The following ASPA variants were observed in gnomAD, a reference collection of about 807,000 sequenced individuals.
ASPA encodes the protein ACY-2.
Under a neutral mutation model 29.6 loss-of-function variants are expected in ASPA, and 25 were observed. That is an observed-to-expected ratio of 0.85 (90% CI 0.62 to 1.18). The LOEUF (loss-of-function observed/expected upper bound fraction) is 1.18. Among genes scored for constraint, ASPA ranks in the 50% most tolerant of loss-of-function variants. ASPA has a pLI of 0.00. For synonymous variants in ASPA, 131 were observed against 130.3 expected (o/e 1.01, Z -0.04); for missense variants, 333 against 385.7 (o/e 0.86, Z 1.14).
chr17:3,484,597 G>A (rs186434296), intron 3 of ASPA, among the ~76,000 whole-genome samples: 2 of 152,274 alleles, frequency 1.3e-5, no homozygotes, highest in African/African-American at 4.8e-5. Flanking sequence ...TGTGATGAAA[G>A]GCCATTGCTG....
At chr17:3,497,706 C>T (rs9941396) in intron 5 of ASPA, among the ~76,000 whole-genome samples, 6,655 of 152,112 alleles carry the variant, frequency 0.044, 350 homozygotes, top group East Asian at 0.28. Flanking sequence ...ATGTCGTGCA[C>T]GTGAACGTCA....
intron 3 of ASPA, among the ~76,000 whole-genome samples, chr17:3,484,743 T>TC (rs1349833444): frequency 6.6e-6 from 1 of 152,248 alleles, no homozygotes; most frequent in Non-Finnish European, 1.5e-5. Flanking sequence ...CTTTAATTTC[T>TC]GTACATATCT....
chr17:3,501,856 G>C lies in ASPA; in HGVS notation c.*2768G>C, dbSNP rs568934226. The C allele has an allele frequency of 3.9e-5, 6 of 152,384 alleles. No individual in the cohort carries two copies. Among genetic ancestry groups the C allele is most frequent in the African/African-American group, 1.4e-4 (6 of 41,504 alleles). 9.4% of individuals were successfully genotyped at this position (152,384 alleles called of 1,614,324 possible). A position where few individuals can be genotyped will look rare whatever the true frequency, so the allele number is the denominator to read the frequency against. The stretch of plus-strand genomic sequence containing the variant: ...TAGTCCCAGCTACTTGGGAGGCTGA[G>C]GCAGAAGGATCACTTGAACCCAGGA... On this transcript the variant is annotated 3_prime_UTR_variant, in exon 6 of 6. Transcript: ENST00000263080.
intron 1 of ASPA, among the ~76,000 whole-genome samples, chr17:3,479,226 C>T (rs564264160): frequency 2.6e-5 from 4 of 152,302 alleles, no homozygotes; most frequent in East Asian, 1.9e-4. Flanking sequence ...GGGAGCTCAA[C>T]TGCAGGCATG....
At chr17:3,491,272 T>C (rs1215475730) in intron 4 of ASPA, among the ~76,000 whole-genome samples, 1 of 152,236 alleles carries the variant, frequency 6.6e-6, no homozygotes, top group Non-Finnish European at 1.5e-5. Context: ...CAAAGTTTTG[T>C]TCTTATGTTT....
chr17:3,485,541 C>T lies in ASPA; in HGVS notation c.526+1949C>T, dbSNP rs1201846664. On this transcript the variant is annotated intron_variant, in intron 3 of 5. Transcript: ENST00000263080. The surrounding 1 kb of genome is among the most constrained non-coding windows in gnomAD (Gnocchi z 4.4). ...AAAAACAAACAAACAAAAATACTAG[C>T]CATCTAACACTGGAAATACATACAT... Among the ~76,000 whole-genome samples the T allele has an allele frequency of 6.6e-6, 1 of 152,134 alleles. No individual in the cohort carries two copies. Among genetic ancestry groups the T allele is most frequent in the Non-Finnish European group, 1.5e-5 (1 of 68,014 alleles).
At chr17:3,479,354 C>T (rs11652568) in intron 1 of ASPA, among the ~76,000 whole-genome samples, 3 of 152,116 alleles carry the variant, frequency 2.0e-5, no homozygotes, top group East Asian at 3.9e-4. Flanking sequence ...AATTGTCGGG[C>T]GCGACCTCAG....
rs1288662332 is a variant in ASPA at position 3,500,931 on chromosome 17, G to A, written c.*1843G>A. On this transcript the variant is annotated 3_prime_UTR_variant, in exon 6 of 6. Coordinates refer to ENST00000263080, the MANE Select transcript of ASPA (RefSeq NM_000049.4). ...GTTTACTGTATATTTTAAGCCCACT[G>A]TTGAGACCTACTGCTTGGGAAAAAA... 1 of 139,232 alleles carries A rather than the reference G, an allele frequency of 7.2e-6. No individual in the cohort carries two copies. Among genetic ancestry groups the A allele is most frequent in the Non-Finnish European group, 1.6e-5 (1 of 63,850 alleles). 8.6% of individuals were successfully genotyped at this position (139,232 alleles called of 1,614,324 possible).
Position 3,485,581 on chromosome 17 carries a change from G to A in ASPA, c.526+1989G>A, listed in dbSNP as rs114048645. Among the ~76,000 whole-genome samples the A allele has an allele frequency of 7.2e-5, 11 of 152,258 alleles. No homozygotes were observed. The highest frequency in any genetic ancestry group is 2.2e-4 in the African/African-American group (9 of 41,538). On this transcript the variant is annotated intron_variant, in intron 3 of 5. Coordinates refer to ENST00000263080, the MANE Select transcript of ASPA (RefSeq NM_000049.4). The surrounding 1 kb of genome is among the most constrained non-coding windows in gnomAD (Gnocchi z 4.4). ...AATACATACATTCATGAGCTTGTCCGGAGTGATCAGATTTGACTGGATCAG... is the reference window on the plus strand; with the variant it reads ...AATACATACATTCATGAGCTTGTCCAGAGTGATCAGATTTGACTGGATCAG...
chr17:3,493,973 T>C (rs1488243685), intron 4 of ASPA, among the ~76,000 whole-genome samples: 1 of 152,168 alleles, frequency 6.6e-6, no homozygotes, highest in Admixed American at 6.5e-5. Context: ...GCTGTCTTCA[T>C]TTTGTTATTG....
In ASPA at chr17:3,501,960, A is replaced by ACG. The variant is rs2073995913; in HGVS notation, c.*2872_*2873insCG. The stretch of plus-strand genomic sequence containing the variant: ...ACAGCAAGCCTCCATCTCAAAAAAA[A>ACG]AAAAAAAAAAAAAATGAGTTCTACT... On this transcript the variant is annotated 3_prime_UTR_variant, in exon 6 of 6. Coordinates refer to ENST00000263080, the MANE Select transcript of ASPA (RefSeq NM_000049.4). 6.6e-6 allele frequency: 1 copy of ACG among 151,958 alleles called. No homozygotes were observed. Among genetic ancestry groups the ACG allele is most frequent in the Non-Finnish European group, 1.5e-5 (1 of 67,982 alleles). 9.4% of individuals were successfully genotyped at this position (151,958 alleles called of 1,614,324 possible).
intron 5 of ASPA, among the ~76,000 whole-genome samples, chr17:3,496,483 C>T (rs2073908935): frequency 6.6e-6 from 1 of 152,130 alleles, no homozygotes; most frequent in Admixed American, 6.5e-5. Flanking sequence ...ATGTGGAAGG[C>T]AAGTGAGAGG....
In ASPA at chr17:3,481,652, A is replaced by G; in HGVS notation, c.286A>G (p.Ile96Val). The G allele has an allele frequency of 6.2e-7, 1 of 1,613,900 alleles. No individual in the cohort carries two copies. Among genetic ancestry groups the G allele is most frequent in the Non-Finnish European group, 8.5e-7 (1 of 1,179,936 alleles). ...LPYEVRRAQE[I>V]NHLFGPKDSE... is the part of the protein sequence containing the mutation. ...ATATGAAGTGAGAAGGGCTCAAGAA[A>G]TAAATCATTTATTTGGTCCAAAAGA... is the stretch of plus-strand genomic sequence containing the variant. Residue 96 changes from isoleucine to valine, a missense_variant, in exon 2 of 6, where the codon ATA becomes GTA. Coordinates refer to ENST00000263080, the MANE Select transcript of ASPA (RefSeq NM_000049.4).
intron 1 of ASPA, 113 bp from the exon 2 acceptor site, chr17:3,481,490 A>AT: frequency 1.0e-6 from 1 of 984,494 alleles, no homozygotes; most frequent in Non-Finnish European, 1.5e-6. Context: ...TACCACACAG[A>AT]TTTTTCATAT....
upstream of ASPA, among the ~76,000 whole-genome samples, chr17:3,475,209 G>A (rs2073503238): frequency 1.3e-5 from 2 of 152,294 alleles, no homozygotes; most frequent in South Asian, 4.1e-4. Flanking sequence ...CCAAAGGGAT[G>A]TAATCATCTT....
At chr17:3,474,750 A>G (rs528427805), upstream of ASPA, among the ~76,000 whole-genome samples, 2 of 152,342 alleles carry the variant, frequency 1.3e-5, no homozygotes, top group South Asian at 4.1e-4. Context: ...GTTTGTATGC[A>G]TGTTTGTTTC....
At position 3,483,491 on chromosome 17, in the gene ASPA, T is replaced by C; in HGVS notation, c.433-8T>C. ...TTACCTAAGAAAGACGTTTTTGATTTTTTTCAGACTTCTCTGGCTCCACTA... is the reference window on the plus strand; with the variant it reads ...TTACCTAAGAAAGACGTTTTTGATTCTTTTCAGACTTCTCTGGCTCCACTA... On this transcript the variant is annotated splice_region_variant and splice_polypyrimidine_tract_variant and intron_variant, in intron 2 of 5. Coordinates refer to ENST00000263080, the MANE Select transcript of ASPA (RefSeq NM_000049.4). 1 of 1,613,530 alleles carries C rather than the reference T, an allele frequency of 6.2e-7. No homozygotes were observed. The highest frequency in any genetic ancestry group is 2.2e-5 in the East Asian group (1 of 44,874).
intron 1 of ASPA, among the ~76,000 whole-genome samples, chr17:3,480,113 G>C (rs1469178482): frequency 6.6e-6 from 1 of 152,130 alleles, no homozygotes. Context: ...TCTCTAATTA[G>C]GCCAGGTGTG....
At position 3,502,470 on chromosome 17, in the gene ASPA, AT is replaced by A. The variant is rs781367245; in HGVS notation, c.*3385del. The A allele has an allele frequency of 3.3e-5, 5 of 152,286 alleles. No individual in the cohort carries two copies. The East Asian group carries it at 7.7e-4, about 23-fold the overall frequency. 9.4% of individuals were successfully genotyped at this position (152,286 alleles called of 1,614,324 possible). A position where few individuals can be genotyped will look rare whatever the true frequency, so the allele number is the denominator to read the frequency against. On this transcript the variant is annotated 3_prime_UTR_variant, in exon 6 of 6. Transcript: ENST00000263080. ...AATTGCTATTTTTTTCAATTTTTAT[AT>A]TTGGGTTAATGGTAATATACTAAGC...
Sources: allele counts gnomAD v4.1 joint callset (sites outside exome capture counted in the v4.1 genomes callset), GRCh38; gene constraint gnomAD v4.1.1; non-coding constraint Gnocchi (gnomAD v3.1); transcripts MANE v1.5; gene names NCBI Gene and HGNC (gene_info 2026-07-23, HGNC 2026-07-21).